Variants in KL observed in about 807,000 individuals in gnomAD.
KL encodes the protein alpha-klotho.
In KL, 62 loss-of-function variants were observed where a neutral mutation model predicts 84.2. The observed-to-expected ratio is 0.74, with a 90% CI of 0.60 to 0.91. The LOEUF is 0.91. KL is among the 40% of genes least tolerant of loss of function. The probability of loss-of-function intolerance (pLI) is 0.00; values close to 1 mark genes in which losing one functional copy is unlikely to be tolerated. For synonymous variants in KL, 528 were observed against 528.0 expected (o/e 1.00, Z 0.00); for missense variants, 1,261 against 1,305.7 (o/e 0.97, Z 0.53).
intron 1 of KL, among the ~76,000 whole-genome samples, chr13:33,049,713 G>A (rs1871673328): frequency 6.6e-6 from 1 of 152,128 alleles, no homozygotes; most frequent in Non-Finnish European, 1.5e-5. Context: ...GAGACCATAG[G>A]GCAAGTTGGA....
chr13:33,036,898 A>G (rs1365769880), intron 1 of KL, among the ~76,000 whole-genome samples: 1 of 152,228 alleles, frequency 6.6e-6, no homozygotes, highest in African/African-American at 2.4e-5. Context: ...TCTCAAAAGT[A>G]GCATACGTCA....
In KL at chr13:33,061,569, G is replaced by A. The variant is rs867697614; in HGVS notation, c.2490G>A (p.Val830=). The change falls in exon 4 of 5, where the codon GTG becomes GTA. Residue 830 remains valine, a synonymous_variant. Transcript: ENST00000380099. ...DPIKYNDYLE[V]QEMTDITWLN... ...TAAAATACAATGATTACCTAGAAGT[G>A]CAAGAAATGACCGACATCACGTGGC... The A allele has an allele frequency of 6.2e-7, 1 of 1,614,186 alleles. No individual in the cohort carries two copies. Among genetic ancestry groups the A allele is most frequent in the South Asian group, 1.1e-5 (1 of 91,078 alleles).
intron 1 of KL, among the ~76,000 whole-genome samples, chr13:33,051,911 C>A (rs1169359474): frequency 6.6e-6 from 1 of 152,134 alleles, no homozygotes; most frequent in African/African-American, 2.4e-5. Context: ...GAGTACTAGC[C>A]TGGACTGCTC....
chr13:33,042,844 G>A (rs1161682594), intron 1 of KL, among the ~76,000 whole-genome samples: 4 of 152,230 alleles, frequency 2.6e-5, no homozygotes, highest in African/African-American at 7.2e-5. Flanking sequence ...ACCACACCTG[G>A]CTAAGTTTCG....
intron 4 of KL, 30 bp downstream of exon 4, chr13:33,061,810 G>A (rs1380345043): frequency 6.2e-7 from 1 of 1,606,704 alleles, no homozygotes; most frequent in Non-Finnish European, 8.5e-7. Context: ...GCTATCTCCT[G>A]AAGGTTATGT....
rs200491905 is a variant in KL at position 33,060,935 on chromosome 13, A to G, written c.1856A>G (p.Tyr619Cys). The G allele has an allele frequency of 2.5e-6, 4 of 1,612,688 alleles. No individual in the cohort carries two copies. The highest frequency in any genetic ancestry group is 4.5e-5 in the East Asian group (2 of 44,872). Residue 619 changes from tyrosine to cysteine, a missense_variant, in exon 4 of 5, where the codon TAT becomes TGT. By Grantham distance (194) the Tyr-to-Cys change is radical. Transcript: ENST00000380099. ...GTGAACCACACCATCCTGCAGTACTATCGCTGCATGGCCAGCGAGCTTGTC... is the reference window on the plus strand; with the variant it reads ...GTGAACCACACCATCCTGCAGTACTGTCGCTGCATGGCCAGCGAGCTTGTC... ...SQVNHTILQY[Y>C]RCMASELVRV... is the part of the protein sequence containing the mutation.
At position 33,065,478 on chromosome 13, in the gene KL, T is replaced by C. The variant is rs1872377621; in HGVS notation, c.*1292T>C. 1 of 191,718 alleles carries C rather than the reference T, an allele frequency of 5.2e-6. No homozygotes were observed. Among genetic ancestry groups the C allele is most frequent in the South Asian group, 1.9e-4 (1 of 5,152 alleles). 11.9% of individuals were successfully genotyped at this position (191,718 alleles called of 1,614,324 possible). ...TGGAGCTGTTTTATAGATAAGTCAATATTGTATCAGGCAAGATAAACCAAT... is the reference window on the plus strand; with the variant it reads ...TGGAGCTGTTTTATAGATAAGTCAACATTGTATCAGGCAAGATAAACCAAT... On this transcript the variant is annotated 3_prime_UTR_variant, in exon 5 of 5. Coordinates refer to ENST00000380099, the MANE Select transcript of KL (RefSeq NM_004795.4).
chr13:33,061,092 A>T lies in KL; in HGVS notation c.2013A>T (p.Arg671=). ...CCCTGGCCTTTGCAGAGTATGCCCG[A>T]CTGTGCTTTCAAGAGCTCGGCCATC... is the stretch of plus-strand genomic sequence containing the variant. ...YTALAFAEYA[R]LCFQELGHHV... is the part of the protein sequence containing the mutation. Residue 671 remains arginine, a synonymous_variant, in exon 4 of 5, where the codon CGA becomes CGT. Coordinates refer to ENST00000380099, the MANE Select transcript of KL (RefSeq NM_004795.4). The T allele has an allele frequency of 6.2e-7, 1 of 1,613,810 alleles. No individual in the cohort carries two copies. Among genetic ancestry groups the T allele is most frequent in the Non-Finnish European group, 8.5e-7 (1 of 1,179,822 alleles).
chr13:33,032,658 C>A (rs909845172), intron 1 of KL, among the ~76,000 whole-genome samples: 12 of 152,010 alleles, frequency 7.9e-5, no homozygotes, highest in Non-Finnish European at 1.2e-4. Flanking sequence ...GTCACATGCC[C>A]ACAGATTCAA....
rs1483197932 is a variant in KL at position 33,064,706 on chromosome 13, T to G, written c.*520T>G. On this transcript the variant is annotated 3_prime_UTR_variant, in exon 5 of 5. Transcript: ENST00000380099. Reference sequence around the variant, plus strand: ...CAGATACAGGAGAGACGACAGAGGGTCCTAGGCTGGAATGTTCCTTTCGAA... The same window carrying G: ...CAGATACAGGAGAGACGACAGAGGGGCCTAGGCTGGAATGTTCCTTTCGAA... The G allele has an allele frequency of 1.8e-5, 4 of 228,118 alleles. No individual in the cohort carries two copies. Among genetic ancestry groups the G allele is most frequent in the African/African-American group, 8.9e-5 (4 of 44,894 alleles). The allele number at this position is 228,118 out of a possible 1,614,324, so 14.1% of individuals were successfully genotyped here.
At chr13:33,043,235 T>A (rs1204887142) in intron 1 of KL, among the ~76,000 whole-genome samples, 4 of 152,096 alleles carry the variant, frequency 2.6e-5, no homozygotes, top group African/African-American at 9.7e-5. Flanking sequence ...AGTCTTTTTT[T>A]TTTTTTGAGG....
chr13:33,024,700 T>G (rs537196), intron 1 of KL, among the ~76,000 whole-genome samples: 89,612 of 152,028 alleles, frequency 0.59, 28,303 homozygotes, highest in Middle Eastern at 0.72. Flanking sequence ...TCTCTTTGAT[T>G]TCTCATCATG....
At chr13:33,055,344 G>T in intron 3 of KL, 29 bp downstream of exon 3, 1 of 1,613,992 alleles carries the variant, frequency 6.2e-7, no homozygotes. Flanking sequence ...CCAATCAGCA[G>T]TCTCACCAAG....
rs78970733 is a variant in KL at position 33,054,815 on chromosome 13, A to G, written c.1331-232A>G. On this transcript the variant is annotated intron_variant, in intron 2 of 4. Transcript: ENST00000380099. The stretch of plus-strand genomic sequence containing the variant: ...TTATAAATAAGGAACTATTTTTTCA[A>G]GGTGCTCAGAAATCCAAAAAACATA... 3.3e-5 allele frequency among the ~76,000 whole-genome samples: 5 copies of G among 152,336 alleles called. No homozygotes were observed. The East Asian group carries it at 7.7e-4, about 23-fold the overall frequency.
rs1397283630 is a variant in KL, at chr13:33,060,924, C to A, written c.1845C>A (p.Ile615=). The change falls in exon 4 of 5, where the codon ATC becomes ATA. Residue 615 remains isoleucine, a synonymous_variant. Coordinates refer to ENST00000380099, the MANE Select transcript of KL (RefSeq NM_004795.4). ...ACCAGTCCCAGGTGAACCACACCATCCTGCAGTACTATCGCTGCATGGCCA... is the reference window on the plus strand; with the variant it reads ...ACCAGTCCCAGGTGAACCACACCATACTGCAGTACTATCGCTGCATGGCCA... ...LGNQSQVNHT[I]LQYYRCMASE... 1.9e-6 allele frequency: 3 copies of A among 1,613,618 alleles called. No individual in the cohort carries two copies. Among genetic ancestry groups the A allele is most frequent in the Non-Finnish European group, 2.5e-6 (3 of 1,179,638 alleles).
intron 1 of KL, among the ~76,000 whole-genome samples, chr13:33,026,285 GA>G (rs966323297): frequency 1.8e-4 from 28 of 152,144 alleles, no homozygotes; most frequent in African/African-American, 6.7e-4. Flanking sequence ...GAAGCAAGAG[GA>G]AAAAAATAAA....
rs116810451 is a variant in KL at position 33,016,767 on chromosome 13, G to A, written c.327G>A (p.Leu109=). The change falls in exon 1 of 5, where the codon CTG becomes CTA. Residue 109 remains leucine, a synonymous_variant. Coordinates refer to ENST00000380099, the MANE Select transcript of KL (RefSeq NM_004795.4). ...APPGDSRNAS[L]PLGAPSPLQP... ...CGGGAGACTCCCGGAACGCCAGTCT[G>A]CCGTTGGGCGCCCCGTCGCCGCTGC... The A allele has an allele frequency of 6.2e-7, 1 of 1,611,826 alleles. No homozygotes were observed. Among genetic ancestry groups the A allele is most frequent in the African/African-American group, 1.3e-5 (1 of 75,024 alleles).
intron 1 of KL, among the ~76,000 whole-genome samples, chr13:33,048,827 T>A (rs2249347): frequency 0.67 from 101,113 of 151,990 alleles, 34,118 homozygotes; most frequent in Admixed American, 0.76. Context: ...GGGGGATACG[T>A]ATAGGCAAAT....
chr13:33,020,683 A>G (rs1227324979), intron 1 of KL, among the ~76,000 whole-genome samples: 2 of 152,014 alleles, frequency 1.3e-5, no homozygotes, highest in Non-Finnish European at 2.9e-5. Flanking sequence ...CTGCAGCTCT[A>G]CCTACCTCCA....
Sources: allele counts gnomAD v4.1 joint callset (sites outside exome capture counted in the v4.1 genomes callset), GRCh38; gene constraint gnomAD v4.1.1; transcripts MANE v1.5; gene names NCBI Gene and HGNC (gene_info 2026-07-23, HGNC 2026-07-21).